TSHZ1: variants seen among roughly 807,000 people sequenced by gnomAD.
The protein encoded by TSHZ1 is teashirt homolog 1.
TSHZ1 carries 12 observed loss-of-function variants against 67.1 expected under a neutral mutation model. The ratio of observed to expected loss-of-function variants is 0.18; its 90% CI spans 0.11 to 0.29. The LOEUF (loss-of-function observed/expected upper bound fraction) is 0.29. TSHZ1 is among the 10% of genes least tolerant of loss of function. The pLI is 1.00. For synonymous variants in TSHZ1, 632 were observed against 622.4 expected (o/e 1.02, Z -0.23); for missense variants, 1,305 against 1,413.9 (o/e 0.92, Z 1.23).
chr18:75,236,494 A>G (rs2023073357), intron 1 of TSHZ1, among the ~76,000 whole-genome samples: 1 of 152,188 alleles, frequency 6.6e-6, no homozygotes, highest in African/African-American at 2.4e-5. Flanking sequence ...ATTATTCTTT[A>G]TAAATACTAA....
intron 1 of TSHZ1, among the ~76,000 whole-genome samples, chr18:75,239,190 C>T (rs1033370626): frequency 2.0e-5 from 3 of 152,250 alleles, no homozygotes; most frequent in African/African-American, 4.8e-5. Context: ...AGGCCAGGGG[C>T]CCTGAGGCTT....
At position 75,228,622 on chromosome 18, in the gene TSHZ1, A is replaced by G. The variant is rs116959188; in HGVS notation, c.40+16706A>G. 3.6e-3 allele frequency among the ~76,000 whole-genome samples: 545 copies of G among 152,382 alleles called. 1 individual carries two copies. The highest frequency in any genetic ancestry group is 6.1e-3 in the Non-Finnish European group (417 of 68,044). ...AGGTAGTAGCATATGCAATACAAGC[A>G]GTCTTGTTGACCTAATTAATATCAG... is the stretch of plus-strand genomic sequence containing the variant. On this transcript the variant is annotated intron_variant, in intron 1 of 1. Coordinates refer to ENST00000580243, the MANE Select transcript of TSHZ1 (RefSeq NM_001308210.2).
intron 1 of TSHZ1, among the ~76,000 whole-genome samples, chr18:75,223,324 T>A (rs950254691): frequency 6.6e-6 from 1 of 152,208 alleles, no homozygotes; most frequent in African/African-American, 2.4e-5. Flanking sequence ...GAAGATTTTT[T>A]TAGTTTCACA....
At chr18:75,256,723 G>C (rs572764044) in intron 1 of TSHZ1, among the ~76,000 whole-genome samples, 66 of 152,272 alleles carry the variant, frequency 4.3e-4, no homozygotes, top group African/African-American at 1.3e-3. Flanking sequence ...GAAATTTTTA[G>C]TGATTTTAGT....
chr18:75,264,359 CAA>C (rs1236003836), intron 1 of TSHZ1, among the ~76,000 whole-genome samples: 4 of 152,178 alleles, frequency 2.6e-5, no homozygotes, highest in Non-Finnish European at 5.9e-5. Flanking sequence ...TGGCTTCTAT[CAA>C]AATAATTACT....
At chr18:75,271,623 C>T (rs1412531461) in intron 1 of TSHZ1, among the ~76,000 whole-genome samples, 1 of 152,212 alleles carries the variant, frequency 6.6e-6, no homozygotes, top group Middle Eastern at 3.4e-3. Flanking sequence ...ATCTTTGAGC[C>T]CCCGCGTCTC....
At chr18:75,253,336 T>C (rs2122570153) in intron 1 of TSHZ1, among the ~76,000 whole-genome samples, 1 of 152,370 alleles carries the variant, frequency 6.6e-6, no homozygotes, top group Non-Finnish European at 1.5e-5. Flanking sequence ...GACCTTCTCT[T>C]GTGGCTTTTC....
At chr18:75,251,832 A>G (rs1469041455) in intron 1 of TSHZ1, among the ~76,000 whole-genome samples, 2 of 152,222 alleles carry the variant, frequency 1.3e-5, no homozygotes, top group Admixed American at 1.3e-4. Context: ...CTCATTTGGA[A>G]AAGCTGGAAT....
Position 75,287,030 on chromosome 18 carries a change from G to A in TSHZ1, c.1623G>A (p.Leu541=). 1 of 1,614,002 alleles carries A rather than the reference G, an allele frequency of 6.2e-7. No homozygotes were observed. The highest frequency in any genetic ancestry group is 1.3e-5 in the African/African-American group (1 of 75,050). ...ACCCGTACCTGCGTGAGGAGGACCT[G>A]GACGACAGCCCCAAGGGAGGGCTGG... ...TLYPYLREED[L]DDSPKGGLDI... Residue 541 remains leucine, a synonymous_variant, in exon 2 of 2, where the codon CTG becomes CTA. Coordinates refer to ENST00000580243, the MANE Select transcript of TSHZ1 (RefSeq NM_001308210.2). The surrounding 1 kb of genome is among the most constrained non-coding windows in gnomAD (Gnocchi z 5.0).
intron 1 of TSHZ1, 148 bp downstream of exon 1, chr18:75,212,064 G>C: frequency 1.9e-6 from 1 of 535,046 alleles, no homozygotes; most frequent in South Asian, 8.9e-5. Flanking sequence ...CAGTCGTCTG[G>C]AGGCTGCGGT....
intron 1 of TSHZ1, among the ~76,000 whole-genome samples, chr18:75,264,862 A>T (rs1462820215): frequency 6.6e-6 from 1 of 152,206 alleles, no homozygotes; most frequent in Non-Finnish European, 1.5e-5. Flanking sequence ...TATGAATTCT[A>T]GGCATTTTTT....
At chr18:75,245,048 C>G (rs535386611) in intron 1 of TSHZ1, among the ~76,000 whole-genome samples, 36 of 152,274 alleles carry the variant, frequency 2.4e-4, no homozygotes, top group African/African-American at 8.4e-4. Context: ...GGAGAGAACT[C>G]TTTTAAAAGT....
At chr18:75,251,355 G>GTTT (rs907801984) in intron 1 of TSHZ1, among the ~76,000 whole-genome samples, 5 of 150,224 alleles carry the variant, frequency 3.3e-5, no homozygotes, top group African/African-American at 7.3e-5. Context: ...TTTCTTTCTT[G>GTTT]TTTTTTTTTT....
chr18:75,234,777 A>G (rs547701739), intron 1 of TSHZ1, among the ~76,000 whole-genome samples: 25 of 152,294 alleles, frequency 1.6e-4, no homozygotes, highest in African/African-American at 6.0e-4. Context: ...ACTTAGTTCA[A>G]GGGTATCAGT....
Position 75,285,475 on chromosome 18 carries a change from C to A in TSHZ1, c.68C>A (p.Ala23Glu). 1 of 1,502,232 alleles carries A rather than the reference C, an allele frequency of 6.7e-7. No individual in the cohort carries two copies. The allele number at this position is 1,502,232 out of a possible 1,614,324, so 93.1% of individuals were successfully genotyped here. Residue 23 changes from alanine (A) to glutamate (E), a missense_variant, in exon 2 of 2, where the codon GCA (alanine) becomes GAA (glutamate). This residue lies in a region of TSHZ1 where 358 missense variants were observed against 375.6 expected (regional missense o/e 0.95). Transcript: ENST00000580243. ...AAYVPEEELK[A>E]AEIDEEHVED... is the part of the protein sequence containing the mutation. ...TATGTTCCTGAGGAAGAATTGAAGG[C>A]AGCAGAAATAGATGAAGAGCACGTG...
At chr18:75,251,959 A>C (rs1156476753) in intron 1 of TSHZ1, among the ~76,000 whole-genome samples, 2 of 152,220 alleles carry the variant, frequency 1.3e-5, no homozygotes, top group Non-Finnish European at 2.9e-5. Flanking sequence ...CAAAGAAAAA[A>C]ATTTAAAAAT....
At chr18:75,230,171 T>C (rs2022978868) in intron 1 of TSHZ1, among the ~76,000 whole-genome samples, 1 of 152,214 alleles carries the variant, frequency 6.6e-6, no homozygotes, top group Non-Finnish European at 1.5e-5. Flanking sequence ...GGTCAAATCA[T>C]TACACTAAAT....
intron 1 of TSHZ1, among the ~76,000 whole-genome samples, chr18:75,268,804 T>C (rs550999483): frequency 1.3e-5 from 2 of 152,338 alleles, no homozygotes; most frequent in East Asian, 3.9e-4. Context: ...TGTAGCGCGA[T>C]GTCTCTGACA....
chr18:75,234,747 A>C (rs1415793905), intron 1 of TSHZ1, among the ~76,000 whole-genome samples: 1 of 152,186 alleles, frequency 6.6e-6, no homozygotes, highest in South Asian at 2.1e-4. Flanking sequence ...TGACACGTTC[A>C]CCCATACATA....
Sources: allele counts gnomAD v4.1 joint callset (sites outside exome capture counted in the v4.1 genomes callset), GRCh38; gene constraint gnomAD v4.1.1; regional missense constraint gnomAD v4.1.1; non-coding constraint Gnocchi (gnomAD v3.1); transcripts MANE v1.5; gene names NCBI Gene and HGNC (gene_info 2026-07-23, HGNC 2026-07-21).